AKNA: variants seen among roughly 807,000 people sequenced by gnomAD.
AKNA encodes AT-hook transcription factor, also known as microtubule organization protein AKNA.
Under a neutral mutation model 138.8 loss-of-function variants are expected in AKNA, and 67 were observed. That is an observed-to-expected ratio of 0.48 (90% CI 0.40 to 0.59). The LOEUF is 0.59. Ranked by LOEUF, AKNA falls within the 20% of genes least tolerant of loss-of-function variation. The pLI is 0.00. For synonymous variants in AKNA, 737 were observed against 754.4 expected, an observed-to-expected ratio of 0.98 and a Z score of 0.38; for missense variants, 1,813 against 1,880.4, an observed-to-expected ratio of 0.96 and a Z score of 0.66.
chr9:114,352,655 GCTCATGC>G, intron 14 of AKNA, among the ~76,000 whole-genome samples: 1 of 151,706 alleles, frequency 6.6e-6, no homozygotes, highest in Non-Finnish European at 1.5e-5. Flanking sequence ...GGGCGTGGTG[GCTCATGC>G]CGGTAATCCC....
chr9:114,369,960 C>T (rs559401516), intron 4 of AKNA, among the ~76,000 whole-genome samples: 1 of 152,200 alleles, frequency 6.6e-6, no homozygotes, highest in East Asian at 1.9e-4. Context: ...ATTATCTGCA[C>T]AGCCACCATG....
In AKNA at chr9:114,346,794, G is replaced by C; in HGVS notation, c.3399-10C>G. On this transcript the variant is annotated splice_polypyrimidine_tract_variant and intron_variant, in intron 16 of 21. Coordinates refer to ENST00000374088, the MANE Select transcript of AKNA (RefSeq NM_001317950.2). ...TCTCTCTGTGGATTTACTAGCAAAAGGAAAGAGAGATGATGTCATTGGATG... is the reference window on the plus strand; with the variant it reads ...TCTCTCTGTGGATTTACTAGCAAAACGAAAGAGAGATGATGTCATTGGATG... 3 of 1,607,644 alleles carry C rather than the reference G, an allele frequency of 1.9e-6. No individual in the cohort carries two copies. Among genetic ancestry groups the C allele is most frequent in the Non-Finnish European group, 2.6e-6 (3 of 1,175,726 alleles).
At chr9:114,368,055 C>T (rs142800615) in intron 5 of AKNA, 33 of 285,234 alleles carry the variant, frequency 1.2e-4, no homozygotes, top group African/African-American at 7.2e-4. Context: ...CCAATTGGTC[C>T]CCTTGGCTGT....
intron 4 of AKNA, among the ~76,000 whole-genome samples, chr9:114,373,647 G>A (rs1318105979): frequency 6.6e-6 from 1 of 151,832 alleles, no homozygotes; most frequent in African/African-American, 2.4e-5. Flanking sequence ...GGGAGGCTGA[G>A]GCAGGAGGAT....
At chr9:114,352,489 C>T (rs13285344) in intron 14 of AKNA, among the ~76,000 whole-genome samples, 6 of 151,592 alleles carry the variant, frequency 4.0e-5, no homozygotes, top group Admixed American at 1.3e-4. Flanking sequence ...CCCAGCTACT[C>T]GCGAGGCTGA....
intron 14 of AKNA, among the ~76,000 whole-genome samples, chr9:114,351,841 A>G (rs1210613207): frequency 6.6e-6 from 1 of 152,028 alleles, no homozygotes; most frequent in Non-Finnish European, 1.5e-5. Flanking sequence ...AAAAACAATA[A>G]AGAAATAAAT....
intron 3 of AKNA, among the ~76,000 whole-genome samples, chr9:114,374,480 T>C (rs74868359): frequency 0.015 from 2,283 of 152,308 alleles, 58 homozygotes; most frequent in African/African-American, 0.052. Flanking sequence ...ACTGTTTTAT[T>C]TCTCCAAATG....
chr9:114,393,989 A>G (rs1834450428), intron 1 of AKNA, among the ~76,000 whole-genome samples: 1 of 152,090 alleles, frequency 6.6e-6, no homozygotes, highest in Admixed American at 6.5e-5. Context: ...CCTGGTCAAC[A>G]TGGCGAAACC....
chr9:114,337,013 G>GCCCCCCCCCCCC lies in AKNA; in HGVS notation c.*40_*41insGGGGGGGGGGGG. ...CCACTCCTGGCCTGGCAGGCCACCT[G>GCCCCCCCCCCCC]CCCACCCACCCACCCATCTGCCTCT... On this transcript the variant is annotated 3_prime_UTR_variant, in exon 22 of 22. Coordinates refer to ENST00000374088, the MANE Select transcript of AKNA (RefSeq NM_001317950.2). 8.4e-7 allele frequency: 1 copy of GCCCCCCCCCCCC among 1,185,370 alleles called. No individual in the cohort carries two copies. The highest frequency in any genetic ancestry group is 4.0e-5 in the Admixed American group (1 of 25,086). 73.4% of individuals were successfully genotyped at this position (1,185,370 alleles called of 1,614,324 possible). A position where few individuals can be genotyped will look rare whatever the true frequency, so the allele number is the denominator to read the frequency against.
intron 3 of AKNA, among the ~76,000 whole-genome samples, chr9:114,375,557 T>C (rs1050227178): frequency 1.3e-5 from 2 of 152,198 alleles, no homozygotes; most frequent in African/African-American, 4.8e-5. Context: ...TAGGTGACCA[T>C]GGTATGTGGT....
chr9:114,356,157 G>A (rs1234204197), intron 13 of AKNA, 21 bp from the exon 14 acceptor site: 2 of 1,603,020 alleles, frequency 1.2e-6, no homozygotes, highest in South Asian at 2.2e-5. Flanking sequence ...GTGGAGGAAG[G>A]GACACACAGG....
intron 15 of AKNA, 127 bp from the exon 16 acceptor site, chr9:114,348,027 C>G: frequency 9.7e-7 from 1 of 1,035,426 alleles, no homozygotes; most frequent in Admixed American, 3.2e-5. Flanking sequence ...TCTCTGCTGT[C>G]AAACGATTCT....
At chr9:114,366,985 T>C (rs1400876536) in intron 6 of AKNA, among the ~76,000 whole-genome samples, 1 of 152,198 alleles carries the variant, frequency 6.6e-6, no homozygotes, top group African/African-American at 2.4e-5. Context: ...CTCACTTCTG[T>C]TTTCAGAATG....
At chr9:114,368,696 G>C in intron 4 of AKNA, 101 bp from the exon 5 acceptor site, 1 of 1,029,688 alleles carries the variant, frequency 9.7e-7, no homozygotes, top group Non-Finnish European at 1.3e-6. Flanking sequence ...ATGCCCTGTA[G>C]TAATAAATAC....
At chr9:114,396,343 T>G (rs1350687646), upstream of AKNA, among the ~76,000 whole-genome samples, 1 of 152,234 alleles carries the variant, frequency 6.6e-6, no homozygotes, top group African/African-American at 2.4e-5. Context: ...GAATGTGGAC[T>G]GAGCAAAAGT....
intron 18 of AKNA, chr9:114,345,427 C>T (rs1004594786): frequency 6.4e-6 from 1 of 156,336 alleles, no homozygotes; most frequent in African/African-American, 2.4e-5. Context: ...TACCATGTGT[C>T]ATCTCAAGTC....
intron 12 of AKNA, 150 bp downstream of exon 12, chr9:114,357,771 T>C: frequency 7.7e-7 from 1 of 1,296,270 alleles, no homozygotes; most frequent in Non-Finnish European, 1.1e-6. Context: ...GCATAAGTCC[T>C]GCATGTCAGG....
At chr9:114,332,427 C>T (rs562982235), downstream of AKNA, among the ~76,000 whole-genome samples, 19 of 152,212 alleles carry the variant, frequency 1.2e-4, no homozygotes, top group African/African-American at 4.6e-4. Context: ...TTTCTTTAAA[C>T]CTGTGTTTGG....
chr9:114,338,770 T>C (rs375086487), intron 21 of AKNA, among the ~76,000 whole-genome samples: 3 of 152,164 alleles, frequency 2.0e-5, no homozygotes, highest in African/African-American at 7.2e-5. Context: ...TTAGAGCTGA[T>C]GGAAAATTCA....
Sources: gnomAD v4.1 joint callset for allele counts (sites outside exome capture counted in the v4.1 genomes callset) on GRCh38, gnomAD v4.1.1 for gene constraint, MANE v1.5 for transcripts, NCBI Gene and HGNC (gene_info 2026-07-23, HGNC 2026-07-21) for gene names.